The following SNX29 variants were observed in gnomAD, a reference collection of about 807,000 sequenced individuals.
SNX29 encodes the protein sorting nexin 29.
SNX29 carries 78 observed loss-of-function variants against 102.1 expected under a neutral mutation model. The ratio of observed to expected loss-of-function variants is 0.76; its 90% CI spans 0.64 to 0.92. The LOEUF (loss-of-function observed/expected upper bound fraction) is 0.92, where lower values mean the gene tolerates loss of function less well. Ranked by LOEUF, SNX29 falls within the 40% of genes least tolerant of loss-of-function variation. The pLI is 0.00. For missense variants in SNX29, 1,280 were observed against 1,061.7 expected (o/e 1.21, Z -2.86); for synonymous variants, 580 against 414.5 (o/e 1.40, Z -4.85).
intron 16 of SNX29, among the ~76,000 whole-genome samples, chr16:12,390,728 T>C (rs932584914): frequency 6.6e-6 from 1 of 152,012 alleles, no homozygotes; most frequent in Non-Finnish European, 1.5e-5. Flanking sequence ...TGCAGGATCC[T>C]ATTGGAGCTT....
Position 12,274,040 on chromosome 16 carries a change from C to G in SNX29, c.1679-3893C>G, listed in dbSNP as rs567266617. 2.6e-5 allele frequency among the ~76,000 whole-genome samples: 4 copies of G among 152,272 alleles called. No individual in the cohort carries two copies. The East Asian group carries it at 5.8e-4, about 22-fold the overall frequency. ...GTTACTATGAAGTATTCTCTGGCTC[C>G]CTTTTGTGTTGCATCCCCTATATCT... On this transcript the variant is annotated intron_variant, in intron 14 of 20. Coordinates refer to ENST00000566228, the MANE Select transcript of SNX29 (RefSeq NM_032167.5).
intron 20 of SNX29, among the ~76,000 whole-genome samples, chr16:12,567,078 G>A (rs1036995618): frequency 1.3e-5 from 2 of 152,236 alleles, no homozygotes; most frequent in Non-Finnish European, 2.9e-5. Context: ...ACCCTGCAGG[G>A]ATCCTCGAGG....
chr16:12,540,738 T>G (rs1316649730), intron 20 of SNX29, among the ~76,000 whole-genome samples: 1 of 152,166 alleles, frequency 6.6e-6, no homozygotes, highest in Non-Finnish European at 1.5e-5. Flanking sequence ...TGGGCATCCT[T>G]GGGGCACCAT....
intron 3 of SNX29, among the ~76,000 whole-genome samples, chr16:12,012,134 G>A (rs754648458): frequency 2.6e-5 from 4 of 152,142 alleles, no homozygotes; most frequent in African/African-American, 7.2e-5. Context: ...ACTGAATCTG[G>A]GAGTTGGACA....
intron 7 of SNX29, among the ~76,000 whole-genome samples, chr16:12,050,646 A>T (rs568509979): frequency 6.6e-6 from 1 of 152,230 alleles, no homozygotes; most frequent in South Asian, 2.1e-4. Flanking sequence ...GCCACTGTCC[A>T]GGAAAGCAAA....
intron 19 of SNX29, among the ~76,000 whole-genome samples, chr16:12,486,581 T>C (rs2088245241): frequency 6.6e-6 from 1 of 152,258 alleles, no homozygotes; most frequent in Non-Finnish European, 1.5e-5. Context: ...GCAGGTGATC[T>C]GCCTTCAGCC....
At chr16:12,554,131 A>T (rs146892300) in intron 20 of SNX29, among the ~76,000 whole-genome samples, 1 of 152,346 alleles carries the variant, frequency 6.6e-6, no homozygotes, top group African/African-American at 2.4e-5. Flanking sequence ...CCCAGCCTGG[A>T]TGCTTTGCTC....
At chr16:12,163,109 T>C (rs907226416) in intron 13 of SNX29, among the ~76,000 whole-genome samples, 2 of 152,186 alleles carry the variant, frequency 1.3e-5, no homozygotes, top group Admixed American at 1.3e-4. Context: ...CTCGAACTCC[T>C]GACCTCAGGT....
At chr16:12,532,201 A>T (rs966702865) in intron 20 of SNX29, among the ~76,000 whole-genome samples, 5 of 152,224 alleles carry the variant, frequency 3.3e-5, no homozygotes, top group Admixed American at 3.3e-4. Context: ...TCTTGCAAAT[A>T]AATACTAATA....
At chr16:12,544,713 T>TA (rs1567684588) in intron 20 of SNX29, among the ~76,000 whole-genome samples, 1 of 152,182 alleles carries the variant, frequency 6.6e-6, no homozygotes, top group East Asian at 1.9e-4. Context: ...ACCATCCCTT[T>TA]AATAGGAGGG....
At position 12,061,521 on chromosome 16, in the gene SNX29, A is replaced by G. The variant is rs1596736273; in HGVS notation, c.1125-7A>G. ...GCCTGTCCTGCAGCTGTATTCTTTCACCTTAGGCCACTGGAAGGGAACACC... is the reference window on the plus strand; with the variant it reads ...GCCTGTCCTGCAGCTGTATTCTTTCGCCTTAGGCCACTGGAAGGGAACACC... On this transcript the variant is annotated splice_polypyrimidine_tract_variant and splice_region_variant and intron_variant, in intron 8 of 20. Transcript: ENST00000566228. 4 of 1,586,514 alleles carry G rather than the reference A, an allele frequency of 2.5e-6. No homozygotes were observed. The East Asian group carries it at 9.2e-5, about 36-fold the overall frequency.
intron 14 of SNX29, among the ~76,000 whole-genome samples, chr16:12,248,603 A>AG (rs2078330831): frequency 6.6e-6 from 1 of 151,770 alleles, no homozygotes; most frequent in South Asian, 2.1e-4. Context: ...TTTAGTGGCG[A>AG]GGGGGTCTCG....
chr16:12,359,372 C>T (rs2082236127), intron 16 of SNX29, among the ~76,000 whole-genome samples: 2 of 152,226 alleles, frequency 1.3e-5, no homozygotes, highest in Non-Finnish European at 1.5e-5. Context: ...GTTTAACTTG[C>T]ATTTCCCTGA....
At chr16:12,379,923 G>A (rs1258851219) in intron 16 of SNX29, among the ~76,000 whole-genome samples, 1 of 152,130 alleles carries the variant, frequency 6.6e-6, no homozygotes, top group Non-Finnish European at 1.5e-5. Context: ...TTTTCCATAT[G>A]AATATTTCTG....
At chr16:11,981,968 G>GC (rs2055427088) in intron 1 of SNX29, among the ~76,000 whole-genome samples, 1 of 152,028 alleles carries the variant, frequency 6.6e-6, no homozygotes, top group African/African-American at 2.4e-5. Flanking sequence ...CCTTTGGGAG[G>GC]CCCAGTTGGG....
intron 20 of SNX29, among the ~76,000 whole-genome samples, chr16:12,530,494 A>G (rs1474617563): frequency 6.6e-6 from 1 of 151,390 alleles, no homozygotes; most frequent in Non-Finnish European, 1.5e-5. Context: ...AATCATCAAT[A>G]TTTATGTAAG....
intron 17 of SNX29, among the ~76,000 whole-genome samples, chr16:12,403,242 GT>G (rs1567527939): frequency 4.2e-4 from 61 of 145,362 alleles, no homozygotes; most frequent in African/African-American, 7.3e-4. Context: ...GTGTGTGTGT[GT>G]GTGTGTGTGT....
At chr16:12,513,072 T>C (rs1233823740) in intron 19 of SNX29, among the ~76,000 whole-genome samples, 2 of 152,064 alleles carry the variant, frequency 1.3e-5, no homozygotes, top group East Asian at 1.9e-4. Flanking sequence ...AAGGGTGTCT[T>C]TGACATGCAT....
At chr16:12,536,766 A>G (rs999615923) in intron 20 of SNX29, among the ~76,000 whole-genome samples, 1 of 152,194 alleles carries the variant, frequency 6.6e-6, no homozygotes, top group African/African-American at 2.4e-5. Flanking sequence ...TCAGGAGGCC[A>G]GGAGTTTCAG....
Sources: allele counts gnomAD v4.1 joint callset (sites outside exome capture counted in the v4.1 genomes callset), GRCh38; gene constraint gnomAD v4.1.1; transcripts MANE v1.5; gene names NCBI Gene and HGNC (gene_info 2026-07-23, HGNC 2026-07-21).